The following FMNL2 variants were observed in gnomAD, a reference collection of about 807,000 sequenced individuals.
The protein encoded by FMNL2 is formin like 2.
In FMNL2, 51 loss-of-function variants were observed where a neutral mutation model predicts 130.2. The ratio of observed to expected loss-of-function variants is 0.39; its 90% confidence interval spans 0.31 to 0.49. FMNL2 has a LOEUF of 0.49. FMNL2 is among the 20% of genes least tolerant of loss of function. The pLI is 0.85. For missense variants in FMNL2, 977 were observed against 1,316.2 expected, an observed-to-expected ratio of 0.74 and a Z score of 3.99; for synonymous variants, 465 against 467.1, an observed-to-expected ratio of 1.00 and a Z score of 0.06.
At chr2:152,464,391 T>G (rs1196177846) in intron 1 of FMNL2, among the ~76,000 whole-genome samples, 1 of 152,236 alleles carries the variant, frequency 6.6e-6, no homozygotes, top group Non-Finnish European at 1.5e-5. Context: ...AAAAGCTTAG[T>G]GCAGAAATTT....
Position 152,419,883 on chromosome 2 carries a change from A to G in FMNL2, c.117+84163A>G, listed in dbSNP as rs80258502. Among the ~76,000 whole-genome samples, 1,462 of 152,304 alleles carry G rather than the reference A, an allele frequency of 9.6e-3. 19 individuals are homozygous for G. Among genetic ancestry groups the G allele is most frequent in the African/African-American group, 0.033 (1,380 of 41,552 alleles). On this transcript the variant is annotated intron_variant, in intron 1 of 25. Coordinates refer to ENST00000288670, the MANE Select transcript of FMNL2 (RefSeq NM_052905.4). ...GGAGAGACTCCGATTGTAACAGGCA[A>G]GTTTCTGGTGAGACAAAAATGGATT...
At chr2:152,532,224 G>T (rs774930558) in intron 2 of FMNL2, among the ~76,000 whole-genome samples, 13 of 152,292 alleles carry the variant, frequency 8.5e-5, no homozygotes, top group Non-Finnish European at 1.8e-4. Flanking sequence ...ACTTTTTCAA[G>T]AGAGTTGTGC....
At chr2:152,612,470 T>C (rs1311345990) in intron 11 of FMNL2, among the ~76,000 whole-genome samples, 1 of 152,158 alleles carries the variant, frequency 6.6e-6, no homozygotes, top group Admixed American at 6.5e-5. Context: ...CAACAAGCTG[T>C]GATTGCACCA....
At chr2:152,467,512 C>A (rs955227307) in intron 1 of FMNL2, among the ~76,000 whole-genome samples, 2 of 152,194 alleles carry the variant, frequency 1.3e-5, no homozygotes, top group African/African-American at 4.8e-5. Flanking sequence ...AGCTTTTCCC[C>A]TGTGAATGCT....
chr2:152,466,912 G>A (rs954072287), intron 1 of FMNL2, among the ~76,000 whole-genome samples: 5 of 152,132 alleles, frequency 3.3e-5, no homozygotes, highest in African/African-American at 7.2e-5. Context: ...AAGGCTTGCC[G>A]CTTCTCTTCC....
intron 1 of FMNL2, among the ~76,000 whole-genome samples, chr2:152,487,752 A>C (rs1043458138): frequency 6.6e-6 from 1 of 152,162 alleles, no homozygotes; most frequent in South Asian, 2.1e-4. Context: ...GTGTGTTTGA[A>C]ATATAATAAA....
At chr2:152,337,658 G>A (rs991879330) in intron 1 of FMNL2, among the ~76,000 whole-genome samples, 9 of 152,076 alleles carry the variant, frequency 5.9e-5, no homozygotes, top group African/African-American at 2.2e-4. Context: ...TGCAAATATA[G>A]TATTTAGACA....
chr2:152,602,540 T>C (rs970638145), intron 9 of FMNL2, among the ~76,000 whole-genome samples: 1 of 152,114 alleles, frequency 6.6e-6, no homozygotes, highest in African/African-American at 2.4e-5. Context: ...CTTAATAGAG[T>C]ACATGTTATT....
chr2:152,626,671 C>T lies in FMNL2; in HGVS notation c.2109C>T (p.Ala703=). Residue 703 remains alanine (A), a synonymous_variant, in exon 17 of 26, where the codon GCC becomes GCT. Coordinates refer to ENST00000288670, the MANE Select transcript of FMNL2 (RefSeq NM_052905.4). ...LLEANRAKNL[A]ITLRKAGKTA... is the part of the protein sequence containing the mutation. ...AAGCAAACAGGGCCAAAAATCTTGC[C>T]ATAACTTTAAGGAAAGCTGGAAAGA... 6.2e-7 allele frequency: 1 copy of T among 1,613,022 alleles called. No homozygotes were observed. The highest frequency in any genetic ancestry group is 8.5e-7 in the Non-Finnish European group (1 of 1,179,542).
At chr2:152,527,069 A>C (rs1693429768) in intron 2 of FMNL2, among the ~76,000 whole-genome samples, 1 of 152,122 alleles carries the variant, frequency 6.6e-6, no homozygotes, top group Non-Finnish European at 1.5e-5. Flanking sequence ...ACTTTTGTTT[A>C]TGATGCTCAT....
intron 1 of FMNL2, among the ~76,000 whole-genome samples, chr2:152,421,816 T>G (rs1686939279): frequency 6.6e-6 from 1 of 152,232 alleles, no homozygotes; most frequent in South Asian, 2.1e-4. Context: ...TTTGGTTCCC[T>G]TATTTTGCAT....
chr2:152,554,767 A>T (rs80007503), intron 4 of FMNL2, among the ~76,000 whole-genome samples: 6,172 of 152,284 alleles, frequency 0.041, 184 homozygotes, highest in Non-Finnish European at 0.061. Context: ...AATGTCTGCC[A>T]CATACCCCAA....
chr2:152,551,537 C>T (rs1694935113), intron 4 of FMNL2, among the ~76,000 whole-genome samples: 1 of 152,214 alleles, frequency 6.6e-6, no homozygotes, highest in South Asian at 2.1e-4. Context: ...GTTCTGAAAA[C>T]CCAAACCTGA....
At chr2:152,629,494 A>G (rs573874238) in intron 18 of FMNL2, among the ~76,000 whole-genome samples, 162 bp from the exon 19 acceptor site, 1 of 152,340 alleles carries the variant, frequency 6.6e-6, no homozygotes, top group East Asian at 1.9e-4. Flanking sequence ...ACCTAGCAAG[A>G]CAATTAAATT....
chr2:152,584,816 A>T lies in FMNL2; in HGVS notation c.876+3767A>T, dbSNP rs73969198. Among the ~76,000 whole-genome samples the T allele has an allele frequency of 6.1e-3, 922 of 152,304 alleles. 5 individuals carry two copies. The highest frequency in any genetic ancestry group is 0.018 in the African/African-American group (740 of 41,552). ...GATGAATATTTAGAATCCCAATCTT[A>T]TATTTTTTTTCCTTAAAAAATCTTG... is the stretch of plus-strand genomic sequence containing the variant. On this transcript the variant is annotated intron_variant, in intron 9 of 25. Transcript: ENST00000288670.
At chr2:152,543,983 A>T (rs2577177) in intron 3 of FMNL2, among the ~76,000 whole-genome samples, 26,931 of 152,054 alleles carry the variant, frequency 0.18, 2,531 homozygotes, top group Admixed American at 0.3. Context: ...TGGCACACAC[A>T]TTTCTTTCTA....
chr2:152,357,941 G>A (rs1220075140), intron 1 of FMNL2, among the ~76,000 whole-genome samples: 1 of 152,182 alleles, frequency 6.6e-6, no homozygotes, highest in Non-Finnish European at 1.5e-5. Flanking sequence ...GAGTCTGTGA[G>A]GGTGCTGCCA....
intron 15 of FMNL2, among the ~76,000 whole-genome samples, chr2:152,623,029 C>A (rs533968331): frequency 6.6e-6 from 1 of 152,232 alleles, no homozygotes. Flanking sequence ...TCTTCCCACT[C>A]CCACCCTGGT....
intron 9 of FMNL2, among the ~76,000 whole-genome samples, chr2:152,590,327 G>T (rs1189622833): frequency 6.6e-6 from 1 of 151,956 alleles, no homozygotes; most frequent in African/African-American, 2.4e-5. Context: ...TATATTAACC[G>T]TCTTATTAAA....
Sources: allele counts gnomAD v4.1 joint callset (sites outside exome capture counted in the v4.1 genomes callset), GRCh38; gene constraint gnomAD v4.1.1; transcripts MANE v1.5; gene names NCBI Gene and HGNC (gene_info 2026-07-23, HGNC 2026-07-21).